Variants in MB21D2 observed in about 807,000 individuals in gnomAD.
The protein encoded by MB21D2 is Mab-21 domain containing 2.
In MB21D2, 9 loss-of-function variants were observed where a neutral mutation model predicts 33.3. The ratio of observed to expected loss-of-function variants is 0.27; its 90% CI spans 0.16 to 0.47. The LOEUF is 0.47. Ranked by LOEUF, MB21D2 falls within the 20% of genes least tolerant of loss-of-function variation. MB21D2 has a pLI of 0.99. For missense variants in MB21D2, 540 were observed against 624.6 expected, an observed-to-expected ratio of 0.86 and a Z score of 1.44; for synonymous variants, 241 against 236.3, an observed-to-expected ratio of 1.02 and a Z score of -0.18.
chr3:192,889,013 A>G (rs1713793140), intron 1 of MB21D2, among the ~76,000 whole-genome samples: 1 of 152,006 alleles, frequency 6.6e-6, no homozygotes, highest in Admixed American at 6.5e-5. Context: ...TCACATATGC[A>G]TGACAGGGAG....
In MB21D2 at chr3:192,835,517, C is replaced by T. The variant is rs971532102; in HGVS notation, c.212-35867G>A. Among the ~76,000 whole-genome samples the T allele has an allele frequency of 2.7e-5, 4 of 149,628 alleles. No homozygotes were observed. In the South Asian group the frequency reaches 6.5e-4, roughly 24 times the overall value. ...AAGCACATTTGCAAATTTTATTCCA[C>T]TTAATCCAGAAAAATGCTAGGCCCT... On this transcript the variant is annotated intron_variant, in intron 1 of 1. Coordinates refer to ENST00000392452, the MANE Select transcript of MB21D2 (RefSeq NM_178496.4).
intron 1 of MB21D2, among the ~76,000 whole-genome samples, chr3:192,814,454 T>C (rs1178289814): frequency 6.6e-6 from 1 of 152,130 alleles, no homozygotes; most frequent in African/African-American, 2.4e-5. Flanking sequence ...AAATCAGACT[T>C]GAAATAACCA....
intron 1 of MB21D2, among the ~76,000 whole-genome samples, chr3:192,868,512 G>GT (rs11452972): frequency 0.035 from 5,209 of 148,134 alleles, 268 homozygotes; most frequent in African/African-American, 0.12. Flanking sequence ...TTTGTATTAA[G>GT]TTTTTTTTTT....
rs577494315 is a variant in MB21D2, at chr3:192,864,704, G to A, written c.211+52926C>T. Among the ~76,000 whole-genome samples the A allele has an allele frequency of 7.9e-5, 12 of 152,076 alleles. No homozygotes were observed. In the East Asian group the frequency reaches 1.9e-3, roughly 25 times the overall value. ...GTACTTTTAGTAGAGATGGTGTTTC[G>A]CCATGTTGGCCAGGCTGGTCTCGGA... On this transcript the variant is annotated intron_variant, in intron 1 of 1. Transcript: ENST00000392452.
At chr3:192,894,735 TC>T (rs547780697) in intron 1 of MB21D2, among the ~76,000 whole-genome samples, 1 of 152,214 alleles carries the variant, frequency 6.6e-6, no homozygotes, top group Non-Finnish European at 1.5e-5. Flanking sequence ...TCTTTAAGAA[TC>T]CTTTTGCTGC....
chr3:192,908,370 G>A (rs535935511), intron 1 of MB21D2, among the ~76,000 whole-genome samples: 75 of 151,706 alleles, frequency 4.9e-4, no homozygotes, highest in Non-Finnish European at 8.4e-4. Context: ...CAGGTATTAG[G>A]AGGAAACACA....
intron 1 of MB21D2, among the ~76,000 whole-genome samples, chr3:192,860,644 GGTGCCAGC>G (rs1035648653): frequency 2.0e-5 from 3 of 152,178 alleles, no homozygotes; most frequent in African/African-American, 7.2e-5. Context: ...GTCTGCACAT[GGTGCCAGC>G]CCGCCCTGGG....
At chr3:192,854,327 A>G (rs1354826620) in intron 1 of MB21D2, among the ~76,000 whole-genome samples, 1 of 152,232 alleles carries the variant, frequency 6.6e-6, no homozygotes, top group Non-Finnish European at 1.5e-5. Flanking sequence ...GGTGGTCTAG[A>G]TAGAATACCA....
intron 1 of MB21D2, among the ~76,000 whole-genome samples, chr3:192,818,244 TG>T (rs1001150531): frequency 6.6e-6 from 1 of 152,180 alleles, no homozygotes; most frequent in African/African-American, 2.4e-5. Flanking sequence ...TGCATCCCCC[TG>T]TGTTCTGTGT....
At chr3:192,874,654 C>G (rs1021500594) in intron 1 of MB21D2, among the ~76,000 whole-genome samples, 2 of 152,178 alleles carry the variant, frequency 1.3e-5, no homozygotes, top group Non-Finnish European at 2.9e-5. Context: ...CGCTTCCTCC[C>G]AGCTCCTTGC....
intron 1 of MB21D2, among the ~76,000 whole-genome samples, chr3:192,870,674 G>T (rs1713271462): frequency 8.2e-6 from 1 of 122,086 alleles, no homozygotes; most frequent in Non-Finnish European, 1.6e-5. Context: ...TTGCACCACT[G>T]CACTCCAGCC....
chr3:192,916,633 G>A (rs1326981903), intron 1 of MB21D2, among the ~76,000 whole-genome samples: 1 of 152,188 alleles, frequency 6.6e-6, no homozygotes, highest in African/African-American at 2.4e-5. Context: ...TTACAACCCA[G>A]GCGCCTGGCA....
At chr3:192,917,151 G>T (rs569771582) in intron 1 of MB21D2, among the ~76,000 whole-genome samples, 7 of 152,314 alleles carry the variant, frequency 4.6e-5, no homozygotes, top group Admixed American at 2.0e-4. Flanking sequence ...GCAACTTGTC[G>T]CTCGGGCGCC....
At chr3:192,871,464 G>A (rs7621504) in intron 1 of MB21D2, among the ~76,000 whole-genome samples, 2 of 152,120 alleles carry the variant, frequency 1.3e-5, no homozygotes, top group Admixed American at 6.6e-5. Flanking sequence ...GAATAACACA[G>A]AGTCTGTCCT....
intron 1 of MB21D2, among the ~76,000 whole-genome samples, chr3:192,874,438 G>C (rs1171450943): frequency 6.6e-6 from 1 of 152,130 alleles, no homozygotes; most frequent in South Asian, 2.1e-4. Context: ...ACTGTCTTAT[G>C]TTTAAAAACA....
At position 192,898,224 on chromosome 3, in the gene MB21D2, A is replaced by AT. The variant is rs34727233; in HGVS notation, c.211+19405dup. ...AACCAAAAACACATGAATCTCACGT[A>AT]TTTTTTTTTTTTTTGGAGATGGGAT... On this transcript the variant is annotated intron_variant, in intron 1 of 1. Coordinates refer to ENST00000392452, the MANE Select transcript of MB21D2 (RefSeq NM_178496.4). 1.6e-3 allele frequency among the ~76,000 whole-genome samples: 228 copies of AT among 142,948 alleles called. 2 individuals carry two copies. Among genetic ancestry groups the AT allele is most frequent in the East Asian group, 0.016 (78 of 4,966 alleles). 93.8% of individuals were successfully genotyped at this position (142,948 alleles called of 152,430 possible).
intron 1 of MB21D2, among the ~76,000 whole-genome samples, chr3:192,860,212 G>A (rs972016708): frequency 2.0e-4 from 30 of 152,278 alleles, no homozygotes; most frequent in African/African-American, 1.2e-4. Context: ...TCTTGGCTAC[G>A]TGCTGACCGA....
At chr3:192,894,057 G>A (rs1180534116) in intron 1 of MB21D2, among the ~76,000 whole-genome samples, 2 of 151,926 alleles carry the variant, frequency 1.3e-5, no homozygotes, top group Admixed American at 1.3e-4. Context: ...AATTTAAAGA[G>A]CCACTCTTGT....
intron 1 of MB21D2, among the ~76,000 whole-genome samples, chr3:192,880,090 A>T (rs995413342): frequency 2.0e-5 from 3 of 152,144 alleles, no homozygotes; most frequent in Admixed American, 6.5e-5. Context: ...CACGTCTGTA[A>T]TCCCAGCACT....
Sources: gnomAD v4.1 joint callset for allele counts (sites outside exome capture counted in the v4.1 genomes callset) on GRCh38, gnomAD v4.1.1 for gene constraint, MANE v1.5 for transcripts, NCBI Gene and HGNC (gene_info 2026-07-23, HGNC 2026-07-21) for gene names.